Variants in NFRKB observed in about 807,000 individuals in gnomAD.
NFRKB encodes the protein nuclear factor related to kappa-B-binding protein.
Under a neutral mutation model 135.7 loss-of-function variants are expected in NFRKB, and 62 were observed. The ratio of observed to expected loss-of-function variants is 0.46; its 90% CI spans 0.37 to 0.56. The LOEUF (loss-of-function observed/expected upper bound fraction) is 0.56, where lower values mean the gene tolerates loss of function less well. NFRKB is among the 20% of genes least tolerant of loss of function. The pLI is 0.00. For synonymous variants in NFRKB, 678 were observed against 635.6 expected, an observed-to-expected ratio of 1.07 and a Z score of -1.00; for missense variants, 1,545 against 1,662.0, an observed-to-expected ratio of 0.93 and a Z score of 1.22.
Position 129,873,780 on chromosome 11 carries a change from G to A in NFRKB, c.2515C>T (p.Pro839Ser), listed in dbSNP as rs759999839. ...QMPAGPQIRV[P>S]ATATQTKVVP... ...ACTTTGGTCTGTGTGGCAGTGGCTG[G>A]AACCCGGATCTGCGGTCCTGCTGGC... is the stretch of plus-strand genomic sequence containing the variant. The change falls in exon 22 of 27, where the codon CCA (proline) becomes TCA (serine). Residue 839 changes from proline to serine, a missense_variant. Transcript: ENST00000682444. 3 of 1,614,022 alleles carry A rather than the reference G, an allele frequency of 1.9e-6. No individual in the cohort carries two copies. The highest frequency in any genetic ancestry group is 2.5e-6 in the Non-Finnish European group (3 of 1,180,006).
At chr11:129,888,446 C>G (rs1949383945) in intron 4 of NFRKB, 148 bp downstream of exon 4, 2 of 803,486 alleles carry the variant, frequency 2.5e-6, no homozygotes, top group African/African-American at 1.7e-5. Flanking sequence ...ACAGCCTAGA[C>G]AGCAAAGTGT....
At chr11:129,894,529 T>C (rs539184093) in intron 1 of NFRKB, 91 bp from the exon 2 acceptor site, 1 of 152,366 alleles carries the variant, frequency 6.6e-6, no homozygotes, top group South Asian at 2.1e-4. Context: ...TAAAGAACAG[T>C]TCTAGAATAA....
chr11:129,884,691 T>A (rs1175071082), intron 7 of NFRKB, 54 bp downstream of exon 7: 179 of 1,601,578 alleles, frequency 1.1e-4, no homozygotes, highest in Non-Finnish European at 1.3e-4. Context: ...AAAGGAGTTT[T>A]CAGGTCTCCA....
chr11:129,868,484 C>T (rs1479752465), intron 24 of NFRKB, among the ~76,000 whole-genome samples: 2 of 152,210 alleles, frequency 1.3e-5, no homozygotes, highest in East Asian at 3.8e-4. Flanking sequence ...TGATGGGGCA[C>T]ATGTGGATGT....
At chr11:129,895,210 C>T (rs1167045682) in intron 1 of NFRKB, among the ~76,000 whole-genome samples, 1 of 152,200 alleles carries the variant, frequency 6.6e-6, no homozygotes, top group African/African-American at 2.4e-5. Context: ...CCAGAGCAAC[C>T]GCCGGCTCCA....
intron 13 of NFRKB, 92 bp downstream of exon 13, chr11:129,881,351 C>T (rs1591511897): frequency 7.7e-7 from 1 of 1,300,032 alleles, no homozygotes; most frequent in East Asian, 2.3e-5. Flanking sequence ...TAAAACCAAT[C>T]TGCAGGACTA....
At chr11:129,871,542 C>T (rs1389605669) in intron 23 of NFRKB, among the ~76,000 whole-genome samples, 1 of 152,156 alleles carries the variant, frequency 6.6e-6, no homozygotes. Flanking sequence ...TAACCAAGCG[C>T]CCAAGCCAAA....
At chr11:129,894,606 T>C (rs1375652212) in intron 1 of NFRKB, among the ~76,000 whole-genome samples, 168 bp from the exon 2 acceptor site, 1 of 152,220 alleles carries the variant, frequency 6.6e-6, no homozygotes, top group Non-Finnish European at 1.5e-5. Flanking sequence ...TTCAGATCCA[T>C]GTAAAGATAT....
At position 129,889,232 on chromosome 11, in the gene NFRKB, G is replaced by T. The variant is rs138106286; in HGVS notation, c.136-437C>A. On this transcript the variant is annotated intron_variant, in intron 3 of 26. Coordinates refer to ENST00000682444, the MANE Select transcript of NFRKB (RefSeq NM_001143835.2). ...CTGCTTCGGCCTCCCAAAGTGCTGG[G>T]ATTACAGGCATGAGCCACCATGCCT... Among the ~76,000 whole-genome samples the T allele has an allele frequency of 7.0e-3, 1,060 of 152,222 alleles. 11 individuals are homozygous for T. The highest frequency in any genetic ancestry group is 0.023 in the African/African-American group (968 of 41,532).
At position 129,875,058 on chromosome 11, in the gene NFRKB, T is replaced by C. The variant is rs1591493265; in HGVS notation, c.1855-142A>G. On this transcript the variant is annotated intron_variant, in intron 18 of 26. Coordinates refer to ENST00000682444, the MANE Select transcript of NFRKB (RefSeq NM_001143835.2). ...CAGCCTAGCTGCGTATTCCCAATAGTTCCCCAAATCGTTTGACGAGACAAT... is the reference window on the plus strand; with the variant it reads ...CAGCCTAGCTGCGTATTCCCAATAGCTCCCCAAATCGTTTGACGAGACAAT... The C allele has an allele frequency of 4.7e-6, 5 of 1,065,224 alleles. No homozygotes were observed. The East Asian group carries it at 1.0e-4, about 22-fold the overall frequency. 66.0% of individuals were successfully genotyped at this position (1,065,224 alleles called of 1,614,324 possible).
Position 129,864,814 on chromosome 11 carries a change from G to C in NFRKB, c.3811C>G (p.Gln1271Glu). The change falls in exon 27 of 27, where the codon CAG becomes GAG. Residue 1271 changes from glutamine (Q) to glutamate (E), a missense_variant. Physicochemically the swap from Gln to Glu is conservative, Grantham distance 29 (BLOSUM62 2). Coordinates refer to ENST00000682444, the MANE Select transcript of NFRKB (RefSeq NM_001143835.2). ...IQTVPASHLQ[Q>E]GTASGSSKAV... ...TTGGAGGAGCCAGAAGCTGTTCCCT[G>C]TTGGAGATGGGATGCAGGGACAGTC... is the stretch of plus-strand genomic sequence containing the variant. The C allele has an allele frequency of 6.2e-7, 1 of 1,614,214 alleles. No individual in the cohort carries two copies.
rs563478436 is a variant in NFRKB at position 129,883,739 on chromosome 11, C to T, written c.816+331G>A. 2.6e-5 allele frequency among the ~76,000 whole-genome samples: 4 copies of T among 152,308 alleles called. No individual in the cohort carries two copies. In the South Asian group the frequency reaches 6.2e-4, roughly 24 times the overall value. ...GAAACAGTAAAAAGTGGGACAAACC[C>T]AGGGCCCAACTCCTGGCTCTGCTGC... On this transcript the variant is annotated intron_variant, in intron 8 of 26. Transcript: ENST00000682444.
In NFRKB at chr11:129,892,748, G is replaced by A; in HGVS notation, c.102C>T (p.Thr34=). 1 of 1,614,108 alleles carries A rather than the reference G, an allele frequency of 6.2e-7. No individual in the cohort carries two copies. Among genetic ancestry groups the A allele is most frequent in the Non-Finnish European group, 8.5e-7 (1 of 1,180,026 alleles). The change falls in exon 3 of 27, where the codon ACC becomes ACT. Residue 34 remains threonine (T), a synonymous_variant. Transcript: ENST00000682444. ...RIMEDCLLGG[T]RVSLPEDLLE... ...GAAGGTCCTCGGGCAGACTAACTCTGGTGCCTCCCAGGAGGCAATCCTCCA... is the reference window on the plus strand; with the variant it reads ...GAAGGTCCTCGGGCAGACTAACTCTAGTGCCTCCCAGGAGGCAATCCTCCA...
chr11:129,876,408 A>G (rs1565403075), intron 17 of NFRKB, among the ~76,000 whole-genome samples: 1 of 152,244 alleles, frequency 6.6e-6, no homozygotes, highest in Non-Finnish European at 1.5e-5. Context: ...GATTCCTGGC[A>G]TTCAAAAAGC....
rs769509087 is a variant in NFRKB at position 129,881,810 on chromosome 11, G to C, written c.1235C>G (p.Ser412Cys). ...GGCCGCAGAGAACCAGCTGTTGAGGGAGCTGGCTGGCGATGACTGCCAATC... is the reference window on the plus strand; with the variant it reads ...GGCCGCAGAGAACCAGCTGTTGAGGCAGCTGGCTGGCGATGACTGCCAATC... ...VLDWQSSPASSLNSWFSAAPN... is the reference protein window; with the variant it reads ...VLDWQSSPASCLNSWFSAAPN... The change falls in exon 12 of 27, where the codon TCC becomes TGC. Residue 412 changes from serine (S) to cysteine (C), a missense_variant. This residue lies in a region of NFRKB where 678 missense variants were observed against 646.7 expected (regional missense o/e 1.05). Transcript: ENST00000682444. 1.2e-5 allele frequency: 19 copies of C among 1,613,200 alleles called. No homozygotes were observed. Among genetic ancestry groups the C allele is most frequent in the Non-Finnish European group, 1.5e-5 (18 of 1,179,660 alleles).
intron 6 of NFRKB, 61 bp downstream of exon 6, chr11:129,885,374 C>T (rs1302700770): frequency 4.6e-6 from 7 of 1,533,870 alleles, no homozygotes; most frequent in African/African-American, 2.7e-5. Context: ...TGGCTCCAAC[C>T]GGACAAGTGG....
At position 129,870,002 on chromosome 11, in the gene NFRKB, G is replaced by C; in HGVS notation, c.3023C>G (p.Ala1008Gly). The C allele has an allele frequency of 6.2e-7, 1 of 1,614,256 alleles. No individual in the cohort carries two copies. Among genetic ancestry groups the C allele is most frequent in the Non-Finnish European group, 8.5e-7 (1 of 1,180,048 alleles). The change falls in exon 24 of 27, where the codon GCC (alanine) becomes GGC (glycine). Residue 1008 changes from alanine (A) to glycine (G), a missense_variant. Transcript: ENST00000682444. Reference protein sequence around the residue: ...GGNTTGKGISATLHVTSNPVH... With the variant: ...GGNTTGKGISGTLHVTSNPVH... ...TGGATTGGAAGTGACGTGTAAGGTG[G>C]CAGAGATGCCTTTGCCTGTAGTGTT...
chr11:129,884,916 G>T (rs545049876), intron 6 of NFRKB, 70 bp from the exon 7 acceptor site: 2 of 1,610,320 alleles, frequency 1.2e-6, no homozygotes, highest in Admixed American at 1.7e-5. Context: ...TGGGTAAGTG[G>T]CCATTTGGGT....
chr11:129,881,333 T>C (rs1460858001), intron 13 of NFRKB, 110 bp downstream of exon 13: 19 of 1,085,418 alleles, frequency 1.8e-5, no homozygotes, highest in African/African-American at 6.3e-5. Flanking sequence ...AGGTCTGATA[T>C]TGCTTTTTAA....
Sources: gnomAD v4.1 joint callset for allele counts (sites outside exome capture counted in the v4.1 genomes callset) on GRCh38, gnomAD v4.1.1 for gene constraint, gnomAD v4.1.1 regional missense constraint, MANE v1.5 for transcripts, NCBI Gene and HGNC (gene_info 2026-07-23, HGNC 2026-07-21) for gene names.